The following ABTB3 variants were observed in gnomAD, a reference collection of about 807,000 sequenced individuals.
The protein encoded by ABTB3 is ankyrin repeat- and BTB/POZ domain-containing protein 3.
the ABTB3 span, among the ~76,000 whole-genome samples, chr12:107,379,889 T>C: frequency 6.6e-6 from 1 of 152,214 alleles, no homozygotes; most frequent in Non-Finnish European, 1.5e-5. Flanking sequence ...GGTTGATTTA[T>C]CTGGGCTCAA....
At chr12:107,336,383 A>T in the ABTB3 span, among the ~76,000 whole-genome samples, 1 of 152,250 alleles carries the variant, frequency 6.6e-6, no homozygotes, top group African/African-American at 2.4e-5. Context: ...CATGGAAGTT[A>T]CATCAAGGAT....
the ABTB3 span, chr12:107,617,455 A>G: frequency 6.2e-7 from 1 of 1,613,048 alleles, no homozygotes; most frequent in African/African-American, 1.3e-5. Flanking sequence ...GGATGGGCCA[A>G]AGCCAGAGGT....
the ABTB3 span, among the ~76,000 whole-genome samples, chr12:107,476,218 G>A: frequency 4.6e-5 from 7 of 152,170 alleles, no homozygotes; most frequent in African/African-American, 1.7e-4. Flanking sequence ...GAGGCTTCCT[G>A]GGGCACAGTG....
the ABTB3 span, among the ~76,000 whole-genome samples, chr12:107,446,631 T>C: frequency 6.6e-6 from 1 of 152,144 alleles, no homozygotes; most frequent in African/African-American, 2.4e-5. Flanking sequence ...CAGCAGAGCT[T>C]CAGCCCAGGG....
chr12:107,535,886 GAAATCGA>G, the ABTB3 span, among the ~76,000 whole-genome samples: 1 of 151,524 alleles, frequency 6.6e-6, no homozygotes, highest in African/African-American at 2.4e-5. Context: ...ATTCTTCAAA[GAAATCGA>G]AAAAAACACC....
the ABTB3 span, among the ~76,000 whole-genome samples, chr12:107,379,486 C>A: frequency 8.5e-5 from 13 of 152,144 alleles, no homozygotes; most frequent in East Asian, 5.8e-4. Flanking sequence ...GTAAGACGTG[C>A]CTTTGCTCCT....
At chr12:107,577,640 A>C in the ABTB3 span, among the ~76,000 whole-genome samples, 2 of 152,114 alleles carry the variant, frequency 1.3e-5, no homozygotes, top group African/African-American at 4.8e-5. Flanking sequence ...GTCGCACCCT[A>C]TATACCTCTC....
At chr12:107,482,874 T>TCTTCTTTTCTTC in the ABTB3 span, among the ~76,000 whole-genome samples, 9 of 150,764 alleles carry the variant, frequency 6.0e-5, no homozygotes, top group African/African-American at 1.7e-4. Context: ...TCTCTTTCTT[T>TCTTCTTTTCTTC]CTTCTTTTCT....
At chr12:107,329,459 A>G in the ABTB3 span, among the ~76,000 whole-genome samples, 5 of 152,252 alleles carry the variant, frequency 3.3e-5, no homozygotes, top group Non-Finnish European at 7.3e-5. Context: ...ACACATCATA[A>G]GTACTCAATA....
At chr12:107,346,480 G>T in the ABTB3 span, among the ~76,000 whole-genome samples, 1 of 151,524 alleles carries the variant, frequency 6.6e-6, no homozygotes, top group African/African-American at 2.4e-5. Context: ...TTTTTTTTCA[G>T]ATAGAGGCTT....
the ABTB3 span, among the ~76,000 whole-genome samples, chr12:107,549,774 A>G: frequency 6.6e-6 from 1 of 152,210 alleles, no homozygotes; most frequent in African/African-American, 2.4e-5. Flanking sequence ...GACAAATTAC[A>G]TCTGGCCTGG....
the ABTB3 span, among the ~76,000 whole-genome samples, chr12:107,633,159 G>T: frequency 6.6e-6 from 1 of 152,250 alleles, no homozygotes; most frequent in Middle Eastern, 3.4e-3. Flanking sequence ...AACCCCCAAG[G>T]TGGTGATATT....
chr12:107,520,620 C>T, the ABTB3 span: 2 of 1,614,178 alleles, frequency 1.2e-6, no homozygotes, highest in Non-Finnish European at 1.7e-6. Context: ...CGCGCGTAGG[C>T]AGCATCGCCG....
chr12:107,517,282 A>G, the ABTB3 span, among the ~76,000 whole-genome samples: 2 of 152,186 alleles, frequency 1.3e-5, no homozygotes, highest in Non-Finnish European at 2.9e-5. Flanking sequence ...CTTGTAGTAT[A>G]GCTTGAAGTC....
the ABTB3 span, chr12:107,319,202 T>C: frequency 1.3e-6 from 2 of 1,591,496 alleles, no homozygotes; most frequent in Non-Finnish European, 1.7e-6. Flanking sequence ...CCAGCACTGC[T>C]CGCGGCTGCT....
At chr12:107,580,969 A>G in the ABTB3 span, 1 of 1,551,598 alleles carries the variant, frequency 6.4e-7, no homozygotes, top group Non-Finnish European at 8.7e-7. Context: ...TGCGGTCCGG[A>G]TGTCTCCAAA....
the ABTB3 span, among the ~76,000 whole-genome samples, chr12:107,629,194 A>C: frequency 6.6e-6 from 1 of 152,084 alleles, no homozygotes; most frequent in Non-Finnish European, 1.5e-5. Flanking sequence ...AGGCAGGAGG[A>C]TCTCTTGAGC....
the ABTB3 span, among the ~76,000 whole-genome samples, chr12:107,473,748 G>T: frequency 2.7e-4 from 41 of 151,702 alleles, no homozygotes; most frequent in African/African-American, 9.9e-4. Flanking sequence ...ATTGCACTTG[G>T]TGAAGAAGCC....
chr12:107,390,230 G>C, the ABTB3 span, among the ~76,000 whole-genome samples: 2 of 152,214 alleles, frequency 1.3e-5, no homozygotes, highest in Non-Finnish European at 2.9e-5. Flanking sequence ...AGTACCTACT[G>C]TGCGGTTTAC....
Sources: gnomAD v4.1 joint callset for allele counts (sites outside exome capture counted in the v4.1 genomes callset) on GRCh38, gnomAD v4.1.1 for gene constraint, MANE v1.5 for transcripts, NCBI Gene and HGNC (gene_info 2026-07-23, HGNC 2026-07-21) for gene names.